The following DLG2 variants were observed in gnomAD, a reference collection of about 807,000 sequenced individuals.
DLG2 encodes the protein discs large MAGUK scaffold protein 2, also known as disks large homolog 2.
DLG2 carries 45 observed loss-of-function variants against 132.5 expected under a neutral mutation model. That is an observed-to-expected ratio of 0.34 (90% CI 0.27 to 0.44). The LOEUF (loss-of-function observed/expected upper bound fraction) is 0.44, where lower values mean the gene tolerates loss of function less well. DLG2 is among the 20% of genes least tolerant of loss of function. DLG2 has a pLI of 1.00. For synonymous variants in DLG2, 424 were observed against 419.6 expected, an observed-to-expected ratio of 1.01 and a Z score of -0.13; for missense variants, 1,045 against 1,196.9, an observed-to-expected ratio of 0.87 and a Z score of 1.87.
At chr11:83,618,078 A>G (rs1039984864) in intron 19 of DLG2, among the ~76,000 whole-genome samples, 5 of 152,158 alleles carry the variant, frequency 3.3e-5, no homozygotes, top group Admixed American at 1.3e-4. Flanking sequence ...TTGTTCACAG[A>G]TGAGTTTTGA....
intron 6 of DLG2, among the ~76,000 whole-genome samples, chr11:84,984,573 TG>T (rs1451804627): frequency 2.9e-5 from 4 of 135,838 alleles, no homozygotes; most frequent in Non-Finnish European, 4.7e-5. Context: ...AAAATACAAT[TG>T]AAAAAAAAAA....
intron 10 of DLG2, among the ~76,000 whole-genome samples, chr11:84,092,825 C>T (rs552359860): frequency 2.4e-4 from 37 of 152,114 alleles, no homozygotes; most frequent in Admixed American, 9.8e-4. Context: ...ATCACAAGGT[C>T]AGGAGTTCGA....
intron 6 of DLG2, among the ~76,000 whole-genome samples, chr11:85,073,792 C>T (rs1389202481): frequency 6.6e-6 from 1 of 151,816 alleles, no homozygotes; most frequent in African/African-American, 2.4e-5. Context: ...CACGAAGATA[C>T]ATGCATGAAT....
At chr11:84,806,003 C>A (rs894852719) in intron 6 of DLG2, among the ~76,000 whole-genome samples, 2 of 151,950 alleles carry the variant, frequency 1.3e-5, no homozygotes, top group African/African-American at 4.8e-5. Context: ...ATGCAAAAAC[C>A]AAACTGGAAT....
intron 4 of DLG2, among the ~76,000 whole-genome samples, chr11:85,162,043 C>T (rs1008063639): frequency 6.6e-6 from 1 of 152,234 alleles, no homozygotes; most frequent in South Asian, 2.1e-4. Flanking sequence ...CAAACTCTGC[C>T]ACCAGGAGAC....
intron 6 of DLG2, among the ~76,000 whole-genome samples, chr11:84,871,728 T>C (rs1020950251): frequency 6.6e-6 from 1 of 152,078 alleles, no homozygotes; most frequent in Non-Finnish European, 1.5e-5. Flanking sequence ...TATTTATTTA[T>C]TTATTTATTT....
chr11:84,978,753 G>C (rs573572676), intron 6 of DLG2, among the ~76,000 whole-genome samples: 2 of 152,096 alleles, frequency 1.3e-5, no homozygotes, highest in African/African-American at 4.8e-5. Context: ...CACAGGCATG[G>C]GCAAGGACGT....
At chr11:84,082,603 T>C (rs1204489226) in intron 10 of DLG2, among the ~76,000 whole-genome samples, 3 of 152,278 alleles carry the variant, frequency 2.0e-5, no homozygotes, top group East Asian at 1.9e-4. Flanking sequence ...TACTATGACA[T>C]GAGATGTTGG....
intron 3 of DLG2, chr11:85,453,073 A>G (rs889792015): frequency 1.5e-5 from 3 of 195,534 alleles, no homozygotes; most frequent in Admixed American, 1.5e-4. Context: ...AGAGAGGAGC[A>G]CTTTTTGTCT....
intron 7 of DLG2, among the ~76,000 whole-genome samples, chr11:84,462,233 A>G: frequency 6.6e-6 from 1 of 151,096 alleles, no homozygotes; most frequent in East Asian, 1.9e-4. Flanking sequence ...CCAAGCAGTC[A>G]GGGACTTTAA....
chr11:84,700,653 A>G (rs139053959), intron 6 of DLG2, among the ~76,000 whole-genome samples: 86 of 151,756 alleles, frequency 5.7e-4, no homozygotes, highest in African/African-American at 2.0e-3. Flanking sequence ...ATTCCAGAGG[A>G]GAAAACAGAG....
chr11:85,519,322 G>A (rs1209238313), intron 3 of DLG2, among the ~76,000 whole-genome samples: 2 of 152,232 alleles, frequency 1.3e-5, no homozygotes. Context: ...AGATGCCCAG[G>A]ACCATAGGAA....
intron 21 of DLG2, among the ~76,000 whole-genome samples, chr11:83,489,024 T>TA (rs1298270082): frequency 6.6e-6 from 1 of 151,956 alleles, no homozygotes; most frequent in Non-Finnish European, 1.5e-5. Context: ...ATTGCCTAAT[T>TA]AAAAAAAGAT....
chr11:83,792,841 T>C (rs577076033), intron 17 of DLG2, among the ~76,000 whole-genome samples: 97 of 152,270 alleles, frequency 6.4e-4, no homozygotes, highest in Middle Eastern at 6.8e-3. Context: ...AGGATATGAA[T>C]GTCAAATTTT....
chr11:84,452,861 A>G (rs560377547), intron 7 of DLG2, among the ~76,000 whole-genome samples: 1 of 151,834 alleles, frequency 6.6e-6, no homozygotes, highest in African/African-American at 2.4e-5. Flanking sequence ...AGCCTCTACA[A>G]TGTAGCAAGA....
chr11:84,339,141 T>C (rs2098502213), intron 7 of DLG2, among the ~76,000 whole-genome samples: 1 of 152,188 alleles, frequency 6.6e-6, no homozygotes, highest in Non-Finnish European at 1.5e-5. Context: ...TTTCAGCTAT[T>C]ACTTATTTCC....
chr11:83,763,036 C>A (rs1290147696), intron 18 of DLG2, among the ~76,000 whole-genome samples: 1 of 152,170 alleles, frequency 6.6e-6, no homozygotes, highest in African/African-American at 2.4e-5. Context: ...TCCCTGTCCA[C>A]CCTTGAAGGC....
At chr11:85,354,671 G>T (rs1050825745) in intron 3 of DLG2, among the ~76,000 whole-genome samples, 3 of 151,730 alleles carry the variant, frequency 2.0e-5, no homozygotes, top group African/African-American at 7.3e-5. Context: ...ATTTTGTTGA[G>T]AAACTGCCAA....
intron 6 of DLG2, among the ~76,000 whole-genome samples, chr11:84,927,272 T>TG (rs897200220): frequency 3.3e-5 from 5 of 152,034 alleles, no homozygotes; most frequent in African/African-American, 1.2e-4. Context: ...ATAAGGAGAT[T>TG]GGACTATCTA....
Sources: allele counts gnomAD v4.1 joint callset (sites outside exome capture counted in the v4.1 genomes callset), GRCh38; gene constraint gnomAD v4.1.1; transcripts MANE v1.5; gene names NCBI Gene and HGNC (gene_info 2026-07-23, HGNC 2026-07-21).